Variants in PMPCA observed in about 807,000 individuals in gnomAD.
PMPCA encodes peptidase, mitochondrial processing subunit alpha.
In PMPCA, 47 loss-of-function variants were observed where a neutral mutation model predicts 59.3. The observed-to-expected ratio is 0.79, with a 90% CI of 0.63 to 1.01. The LOEUF (loss-of-function observed/expected upper bound fraction) is 1.01, where lower values mean the gene tolerates loss of function less well. PMPCA is among the 50% of genes least tolerant of loss of function. The pLI, the probability that PMPCA is intolerant of heterozygous loss-of-function variation, is 0.00. For synonymous variants in PMPCA, 338 were observed against 290.3 expected (o/e 1.16, Z -1.67); for missense variants, 726 against 704.5 (o/e 1.03, Z -0.34).
At position 136,423,163 on chromosome 9, in the gene PMPCA, G is replaced by A. The variant is rs373832306; in HGVS notation, c.1477G>A (p.Ala493Thr). Residue 493 changes from alanine to threonine, a missense_variant, in exon 13 of 13, where the codon GCC (alanine) becomes ACC (threonine). Coordinates refer to ENST00000371717, the MANE Select transcript of PMPCA (RefSeq NM_015160.3). ...KMLRGKPAVA[A>T]LGDLTDLPTY... Reference sequence around the variant, plus strand: ...GCTCCGAGGGAAGCCGGCAGTGGCCGCCCTGGGTGACCTGACTGACCTGCC... The same window carrying A: ...GCTCCGAGGGAAGCCGGCAGTGGCCACCCTGGGTGACCTGACTGACCTGCC... The A allele has an allele frequency of 2.9e-5, 46 of 1,613,748 alleles. No homozygotes were observed. In the African/African-American group the frequency reaches 4.1e-4, roughly 14 times the overall value.
chr9:136,421,465 A>C (rs1474328626), intron 11 of PMPCA, among the ~76,000 whole-genome samples: 1 of 139,436 alleles, frequency 7.2e-6, no homozygotes, highest in Non-Finnish European at 1.5e-5. Context: ...GCTGGAGTGC[A>C]GTGGTGCGAT....
chr9:136,421,449 G>A (rs931981766), intron 11 of PMPCA, among the ~76,000 whole-genome samples: 4 of 134,188 alleles, frequency 3.0e-5, no homozygotes, highest in African/African-American at 5.6e-5. Flanking sequence ...TTGCTCTGTC[G>A]CCCAGGCTGG....
rs1835069056 is a variant in PMPCA at position 136,410,687 on chromosome 9, G to T, written c.19G>T (p.Ala7Ser). The T allele has an allele frequency of 2.1e-6, 3 of 1,416,770 alleles. No homozygotes were observed. Among genetic ancestry groups the T allele is most frequent in the African/African-American group, 3.0e-5 (2 of 67,134 alleles). 87.8% of individuals were successfully genotyped at this position (1,416,770 alleles called of 1,614,324 possible). The change falls in exon 1 of 13, where the codon GCG (alanine) becomes TCG (serine). Residue 7 changes from alanine to serine, a missense_variant. Coordinates refer to ENST00000371717, the MANE Select transcript of PMPCA (RefSeq NM_015160.3). ...ACGCAAGATGGCGGCTGTGGTGCTG[G>T]CGGCGACGCGGTTGCTGCGGGGCTC... Reference protein sequence around the residue: MAAVVLAATRLLRGSGS... With the variant: MAAVVLSATRLLRGSGS...
At chr9:136,416,208 C>A in intron 5 of PMPCA, 83 bp from the exon 6 acceptor site, 3 of 999,470 alleles carry the variant, frequency 3.0e-6, no homozygotes, top group Non-Finnish European at 3.1e-6. Flanking sequence ...GACACTCAGG[C>A]CAGCACACAA....
At chr9:136,416,223 T>TG (rs1267404884) in intron 5 of PMPCA, 68 bp from the exon 6 acceptor site, 25 of 1,139,526 alleles carry the variant, frequency 2.2e-5, no homozygotes, top group Non-Finnish European at 3.3e-5. Flanking sequence ...ACACAAGCTG[T>TG]GGGTCACTGC....
rs751427408 is a variant in PMPCA, at chr9:136,410,684, C to G, written c.16C>G (p.Leu6Val). The G allele has an allele frequency of 7.1e-6, 10 of 1,415,654 alleles. No individual in the cohort carries two copies. The Admixed American group carries it at 1.8e-4, about 26-fold the overall frequency. 87.7% of individuals were successfully genotyped at this position (1,415,654 alleles called of 1,614,324 possible). A position where few individuals can be genotyped will look rare whatever the true frequency, so the allele number is the denominator to read the frequency against. MAAVV[L>V]AATRLLRGSG... ...GAGACGCAAGATGGCGGCTGTGGTG[C>G]TGGCGGCGACGCGGTTGCTGCGGGG... Residue 6 changes from leucine to valine, a missense_variant, in exon 1 of 13, where the codon CTG (leucine) becomes GTG (valine). By Grantham distance (32) the Leu-to-Val change is conservative. Coordinates refer to ENST00000371717, the MANE Select transcript of PMPCA (RefSeq NM_015160.3).
chr9:136,417,868 C>G (rs1334653355), intron 7 of PMPCA, 149 bp from the exon 8 acceptor site: 2 of 681,984 alleles, frequency 2.9e-6, no homozygotes, highest in Non-Finnish European at 5.4e-6. Context: ...CCACCTTGGC[C>G]TCCCAAAGTG....
chr9:136,417,907 C>T (rs911150210), intron 7 of PMPCA, 110 bp from the exon 8 acceptor site: 16 of 822,632 alleles, frequency 1.9e-5, no homozygotes, highest in Non-Finnish European at 3.1e-5. Flanking sequence ...GCCACTGTGC[C>T]TGGCTGGCAT....
intron 2 of PMPCA, 22 bp from the exon 3 acceptor site, chr9:136,412,468 T>G: frequency 8.7e-7 from 1 of 1,154,186 alleles, no homozygotes; most frequent in Admixed American, 1.9e-5. Flanking sequence ...ATGTAACCTG[T>G]CAATTTTCTT....
At chr9:136,415,638 CTG>C (rs1835252599) in intron 5 of PMPCA, among the ~76,000 whole-genome samples, 2 of 152,156 alleles carry the variant, frequency 1.3e-5, no homozygotes. Context: ...GTCTGTGCCT[CTG>C]TTTCTTTTTG....
rs1255410919 is a variant in PMPCA, at chr9:136,417,223, G to A, written c.897+9G>A. On this transcript the variant is annotated intron_variant, in intron 7 of 12. Transcript: ENST00000371717. ...CTGGGGGGATTGCCAAGGTGAAGTA[G>A]CGGGAACGTCTCATGGCCTCGGGTG... 6.4e-7 allele frequency: 1 copy of A among 1,561,330 alleles called. No homozygotes were observed. Among genetic ancestry groups the A allele is most frequent in the Admixed American group, 1.8e-5 (1 of 55,422 alleles).
rs770827044 is a variant in PMPCA, at chr9:136,418,549, C to T, written c.991-6C>T. 12 of 1,576,476 alleles carry T rather than the reference C, an allele frequency of 7.6e-6. No individual in the cohort carries two copies. The South Asian group carries it at 1.1e-4, about 15-fold the overall frequency. ...GTTCAGCCAGCTCTGCCCTCCGTCCCTGCAGGAGGAGGACTTCATCCCCTT... is the reference window on the plus strand; with the variant it reads ...GTTCAGCCAGCTCTGCCCTCCGTCCTTGCAGGAGGAGGACTTCATCCCCTT... On this transcript the variant is annotated splice_polypyrimidine_tract_variant and splice_region_variant and intron_variant, in intron 8 of 12. Transcript: ENST00000371717.
At position 136,410,748 on chromosome 9, in the gene PMPCA, A is replaced by C; in HGVS notation, c.71+9A>C. 7.1e-7 allele frequency: 1 copy of C among 1,404,200 alleles called. No individual in the cohort carries two copies. The highest frequency in any genetic ancestry group is 9.2e-7 in the Non-Finnish European group (1 of 1,084,424). The allele number at this position is 1,404,200 out of a possible 1,614,324, so 87.0% of individuals were successfully genotyped here. A position where few individuals can be genotyped will look rare whatever the true frequency, so the allele number is the denominator to read the frequency against. On this transcript the variant is annotated intron_variant, in intron 1 of 12. Transcript: ENST00000371717. ...GGCTGTTCGCGGCTGAGGTGAGCCA[A>C]AGGCGAACCAGGCTTCGGCCTGGGG...
rs1163549812 is a variant in PMPCA, at chr9:136,423,098, A to G, written c.1412A>G (p.Asn471Ser). 1.9e-6 allele frequency: 3 copies of G among 1,611,774 alleles called. No homozygotes were observed. The highest frequency in any genetic ancestry group is 2.5e-6 in the Non-Finnish European group (3 of 1,179,366). Residue 471 changes from asparagine (N) to serine (S), a missense_variant, in exon 13 of 13, where the codon AAC becomes AGC. Asn to Ser is a conservative substitution (Grantham distance 46). Transcript: ENST00000371717. The stretch of plus-strand genomic sequence containing the variant: ...ACGCGTTTGCCCTCTGCACTAGGCA[A>G]CGTGAAGCCGGAAGATGTGAAGAGA... ...LPHELCTLIR[N>S]VKPEDVKRVA...
At position 136,423,097 on chromosome 9, in the gene PMPCA, A is replaced by T. The variant is rs781699307; in HGVS notation, c.1411A>T (p.Asn471Tyr). 1 of 1,611,816 alleles carries T rather than the reference A, an allele frequency of 6.2e-7. No individual in the cohort carries two copies. The change falls in exon 13 of 13, where the codon AAC (asparagine) becomes TAC (tyrosine). Residue 471 changes from asparagine to tyrosine, a missense_variant and splice_region_variant. Physicochemically the swap from Asn to Tyr is moderately radical, Grantham distance 143. Coordinates refer to ENST00000371717, the MANE Select transcript of PMPCA (RefSeq NM_015160.3). ...LPHELCTLIRNVKPEDVKRVA... is the reference protein window; with the variant it reads ...LPHELCTLIRYVKPEDVKRVA... The stretch of plus-strand genomic sequence containing the variant: ...CACGCGTTTGCCCTCTGCACTAGGC[A>T]ACGTGAAGCCGGAAGATGTGAAGAG...
rs139593694 is a variant in PMPCA, at chr9:136,414,523, C to T, written c.438-30C>T. 32 of 1,456,208 alleles carry T rather than the reference C, an allele frequency of 2.2e-5. No individual in the cohort carries two copies. In the African/African-American group the frequency reaches 3.6e-4, roughly 16 times the overall value. The allele number at this position is 1,456,208 out of a possible 1,614,324, so 90.2% of individuals were successfully genotyped here. A position where few individuals can be genotyped will look rare whatever the true frequency, so the allele number is the denominator to read the frequency against. On this transcript the variant is annotated intron_variant, in intron 4 of 12. Transcript: ENST00000371717. ...GTTAAGCAGAGTGTGAGTTCAGGGCCTGGCATTATGGGCTTGTGTTTTCTT... is the reference window on the plus strand; with the variant it reads ...GTTAAGCAGAGTGTGAGTTCAGGGCTTGGCATTATGGGCTTGTGTTTTCTT...
chr9:136,419,393 T>G lies in PMPCA; in HGVS notation c.1263+287T>G, dbSNP rs1490340282. On this transcript the variant is annotated intron_variant, in intron 11 of 12. Coordinates refer to ENST00000371717, the MANE Select transcript of PMPCA (RefSeq NM_015160.3). ...CTACTTCTTTCTCTGAGCCACTGGG[T>G]GAGTCGTGGGACTGACCATGTGACT... 1.1e-5 allele frequency: 6 copies of G among 537,302 alleles called. No individual in the cohort carries two copies. In the African/African-American group the frequency reaches 1.1e-4, roughly 10 times the overall value. 33.3% of individuals were successfully genotyped at this position (537,302 alleles called of 1,614,324 possible).
chr9:136,423,267 C>A lies in PMPCA; in HGVS notation c.*3C>A, dbSNP rs781170167. On this transcript the variant is annotated 3_prime_UTR_variant, in exon 13 of 13. Transcript: ENST00000371717. ...GGACGTACCGGCTCTTCCGGTAGAA[C>A]CGCTCCCCGGCCTGACAGACCCAGG... The A allele has an allele frequency of 1.9e-6, 3 of 1,609,656 alleles. No homozygotes were observed. Among genetic ancestry groups the A allele is most frequent in the Admixed American group, 1.7e-5 (1 of 59,854 alleles).
chr9:136,420,868 G>A (rs189877492), intron 11 of PMPCA: 2 of 152,064 alleles, frequency 1.3e-5, no homozygotes, highest in East Asian at 3.9e-4. Flanking sequence ...AAGGTGGGAG[G>A]ATCACTTGAG....
Sources: allele counts gnomAD v4.1 joint callset (sites outside exome capture counted in the v4.1 genomes callset), GRCh38; gene constraint gnomAD v4.1.1; transcripts MANE v1.5; gene names NCBI Gene and HGNC (gene_info 2026-07-23, HGNC 2026-07-21).